The following ADAMTSL1 variants were observed in gnomAD, a reference collection of about 807,000 sequenced individuals.
The protein encoded by ADAMTSL1 is ADAMTS-like protein 1.
In ADAMTSL1, 126 loss-of-function variants were observed where a neutral mutation model predicts 201.8. The observed-to-expected ratio is 0.62, with a 90% CI of 0.54 to 0.72. ADAMTSL1 has a LOEUF of 0.72. ADAMTSL1 is among the 30% of genes least tolerant of loss of function. The pLI is 0.00. For missense variants in ADAMTSL1, 2,679 were observed against 2,277.8 expected, an observed-to-expected ratio of 1.18 and a Z score of -3.59; for synonymous variants, 1,121 against 903.4, an observed-to-expected ratio of 1.24 and a Z score of -4.32.
intron 26 of ADAMTSL1, among the ~76,000 whole-genome samples, chr9:18,899,894 A>C (rs530027800): frequency 2.8e-4 from 43 of 152,348 alleles, no homozygotes; most frequent in African/African-American, 1.0e-3. Flanking sequence ...AGATTTCATG[A>C]TGTAGATGCC....
chr9:18,162,925 A>G (rs1170868112), intron 1 of ADAMTSL1, among the ~76,000 whole-genome samples: 1 of 151,988 alleles, frequency 6.6e-6, no homozygotes, highest in African/African-American at 2.4e-5. Flanking sequence ...AGCTTACTAT[A>G]TGAAAGGCAT....
Position 18,908,357 on chromosome 9 carries a change from C to G in ADAMTSL1, c.5183-85C>G, listed in dbSNP as rs985278632. ...GTACCCCAGTGGCTGAAACCCCCGG[C>G]TGCACCTCACACAGGCTGCGTTCAT... On this transcript the variant is annotated intron_variant, in intron 28 of 28. Coordinates refer to ENST00000380548, the MANE Select transcript of ADAMTSL1 (RefSeq NM_001040272.6). 4.3e-6 allele frequency: 5 copies of G among 1,174,194 alleles called. No individual in the cohort carries two copies. The African/African-American group carries it at 7.6e-5, about 18-fold the overall frequency. 72.7% of individuals were successfully genotyped at this position (1,174,194 alleles called of 1,614,324 possible). A position where few individuals can be genotyped will look rare whatever the true frequency, so the allele number is the denominator to read the frequency against.
Position 18,517,943 on chromosome 9 carries a change from T to C in ADAMTSL1, c.191+12987T>C, listed in dbSNP as rs148022680. ...TGGCCTGGAGTTATCTTTATAACAG[T>C]TCCTTCTGTATGTTTCTTCCTTCTT... On this transcript the variant is annotated intron_variant, in intron 2 of 28. Transcript: ENST00000380548. 1.3e-3 allele frequency among the ~76,000 whole-genome samples: 198 copies of C among 152,150 alleles called. 5 individuals carry two copies. In the East Asian group the frequency reaches 0.031, roughly 24 times the overall value.
At chr9:18,500,741 A>G (rs752913823) in intron 1 of ADAMTSL1, among the ~76,000 whole-genome samples, 3 of 152,246 alleles carry the variant, frequency 2.0e-5, no homozygotes, top group Non-Finnish European at 2.9e-5. Flanking sequence ...AAAGGGTTTT[A>G]TAATGGCCTT....
intron 4 of ADAMTSL1, among the ~76,000 whole-genome samples, chr9:18,580,148 G>A (rs891670195): frequency 6.6e-6 from 1 of 152,050 alleles, no homozygotes; most frequent in African/African-American, 2.4e-5. Flanking sequence ...TTCAAAAAGG[G>A]AAAGAAGAAT....
At chr9:18,696,561 G>C (rs1295549012) in intron 13 of ADAMTSL1, among the ~76,000 whole-genome samples, 1 of 152,172 alleles carries the variant, frequency 6.6e-6, no homozygotes, top group African/African-American at 2.4e-5. Context: ...GAGTGACAGA[G>C]GAAGAAAATA....
intron 7 of ADAMTSL1, among the ~76,000 whole-genome samples, chr9:18,650,622 T>C (rs563057295): frequency 6.6e-6 from 1 of 152,328 alleles, no homozygotes; most frequent in African/African-American, 2.4e-5. Flanking sequence ...AAGGAAGATT[T>C]TGTGACAGTG....
At chr9:18,020,092 C>A (rs1355826174) in intron 1 of ADAMTSL1, among the ~76,000 whole-genome samples, 3 of 151,990 alleles carry the variant, frequency 2.0e-5, no homozygotes, top group Non-Finnish European at 1.5e-5. Context: ...CCGAAGTCTA[C>A]AGTCTGTTAT....
At chr9:18,577,179 T>G (rs1822788867) in intron 4 of ADAMTSL1, among the ~76,000 whole-genome samples, 1 of 152,184 alleles carries the variant, frequency 6.6e-6, no homozygotes, top group African/African-American at 2.4e-5. Context: ...GCAGACAGAA[T>G]TTAAAGTCAA....
intron 23 of ADAMTSL1, among the ~76,000 whole-genome samples, chr9:18,842,661 T>G (rs1825802357): frequency 6.6e-6 from 1 of 152,088 alleles, no homozygotes; most frequent in Non-Finnish European, 1.5e-5. Flanking sequence ...CATTATTGTG[T>G]GGGAGTCTAA....
chr9:18,714,170 T>A (rs964880804), intron 14 of ADAMTSL1, among the ~76,000 whole-genome samples: 2 of 152,026 alleles, frequency 1.3e-5, no homozygotes, highest in Non-Finnish European at 2.9e-5. Flanking sequence ...ATTGACACCC[T>A]AACATCACAA....
intron 1 of ADAMTSL1, among the ~76,000 whole-genome samples, chr9:18,079,683 A>AAATT (rs1393482280): frequency 2.1e-5 from 1 of 48,522 alleles, no homozygotes; most frequent in Middle Eastern, 7.9e-3. Flanking sequence ...CTCTGTCTCA[A>AAATT]AATAAATAAA....
chr9:18,644,131 G>A lies in ADAMTSL1; in HGVS notation c.834+4720G>A, dbSNP rs545345353. Among the ~76,000 whole-genome samples the A allele has an allele frequency of 2.0e-3, 300 of 151,706 alleles. 1 individual carries two copies. The highest frequency in any genetic ancestry group is 6.9e-3 in the African/African-American group (286 of 41,428). On this transcript the variant is annotated intron_variant, in intron 7 of 28. Coordinates refer to ENST00000380548, the MANE Select transcript of ADAMTSL1 (RefSeq NM_001040272.6). ...CCTAAATATTGGGGGTTTTTGGTAGGTATTATACCTGGGATTGTTTCATTA... is the reference window on the plus strand; with the variant it reads ...CCTAAATATTGGGGGTTTTTGGTAGATATTATACCTGGGATTGTTTCATTA...
chr9:17,935,705 T>C (rs956797283), intron 1 of ADAMTSL1, among the ~76,000 whole-genome samples: 6 of 152,208 alleles, frequency 3.9e-5, no homozygotes. Flanking sequence ...TTAATAGCAA[T>C]ACCTCTAGCT....
chr9:18,103,586 A>T (rs1361023657), intron 1 of ADAMTSL1, among the ~76,000 whole-genome samples: 1 of 152,196 alleles, frequency 6.6e-6, no homozygotes, highest in African/African-American at 2.4e-5. Flanking sequence ...GCTCTGCTTG[A>T]ACAAGTTTTT....
chr9:18,721,704 G>T, intron 15 of ADAMTSL1, 39 bp downstream of exon 15: 1 of 1,604,560 alleles, frequency 6.2e-7, no homozygotes, highest in South Asian at 1.1e-5. Flanking sequence ...CCAGGGGCAC[G>T]TACAGAACTG....
chr9:18,194,971 TCATAATGC>T (rs148187795), intron 2 of ADAMTSL1, among the ~76,000 whole-genome samples: 2,218 of 152,160 alleles, frequency 0.015, 60 homozygotes, highest in African/African-American at 0.05. Flanking sequence ...TGCTACCTCT[TCATAATGC>T]CCAGTTTAAG....
intron 2 of ADAMTSL1, among the ~76,000 whole-genome samples, chr9:18,238,879 A>G (rs555949205): frequency 1.3e-5 from 2 of 152,228 alleles, no homozygotes; most frequent in East Asian, 1.9e-4. Context: ...AATGCACAAT[A>G]TACGCATACC....
intron 21 of ADAMTSL1, among the ~76,000 whole-genome samples, chr9:18,818,823 A>G (rs1236364347): frequency 6.6e-6 from 1 of 152,098 alleles, no homozygotes; most frequent in Non-Finnish European, 1.5e-5. Context: ...AAATATAAAT[A>G]TATCTTTGTA....
Sources: gnomAD v4.1 joint callset for allele counts (sites outside exome capture counted in the v4.1 genomes callset) on GRCh38, gnomAD v4.1.1 for gene constraint, MANE v1.5 for transcripts, NCBI Gene and HGNC (gene_info 2026-07-23, HGNC 2026-07-21) for gene names.